The following SLIT3 variants were observed in gnomAD, a reference collection of about 807,000 sequenced individuals.
The protein encoded by SLIT3 is slit guidance ligand 3.
SLIT3 carries 68 observed loss-of-function variants against 184.0 expected under a neutral mutation model. The ratio of observed to expected loss-of-function variants is 0.37; its 90% CI spans 0.30 to 0.45. The LOEUF (loss-of-function observed/expected upper bound fraction) is 0.45. SLIT3 is among the 20% of genes least tolerant of loss of function. The pLI is 1.00. For missense variants in SLIT3, 1,707 were observed against 2,026.0 expected (o/e 0.84, Z 3.02); for synonymous variants, 831 against 828.6 (o/e 1.00, Z -0.05).
At chr5:168,692,754 G>A in intron 28 of SLIT3, 54 bp from the exon 29 acceptor site, 1 of 1,326,194 alleles carries the variant, frequency 7.5e-7, no homozygotes, top group Non-Finnish European at 1.1e-6. Context: ...GGATGCCCTG[G>A]CCAGAAGATC....
At chr5:168,863,626 A>T (rs1226953438) in intron 5 of SLIT3, among the ~76,000 whole-genome samples, 1 of 152,198 alleles carries the variant, frequency 6.6e-6, no homozygotes, top group Non-Finnish European at 1.5e-5. Context: ...GGCATGGCCA[A>T]CTCAGAGTCC....
chr5:169,009,129 G>A (rs2113449636), intron 4 of SLIT3, among the ~76,000 whole-genome samples: 1 of 152,222 alleles, frequency 6.6e-6, no homozygotes, highest in Non-Finnish European at 1.5e-5. Flanking sequence ...TTAATTAGGA[G>A]GAAGCAATTA....
At chr5:168,784,594 TA>T (rs1379180618) in intron 12 of SLIT3, among the ~76,000 whole-genome samples, 2 of 152,152 alleles carry the variant, frequency 1.3e-5, no homozygotes, top group African/African-American at 2.4e-5. Context: ...AGCTGAGTCT[TA>T]AAGGACATGG....
chr5:168,895,070 G>A (rs1360462988), intron 4 of SLIT3, among the ~76,000 whole-genome samples: 1 of 152,184 alleles, frequency 6.6e-6, no homozygotes, highest in African/African-American at 2.4e-5. Context: ...GAGGTGAGGA[G>A]GTAAGAAAAA....
intron 32 of SLIT3, among the ~76,000 whole-genome samples, chr5:168,674,167 C>G (rs17070391): frequency 0.053 from 8,087 of 152,216 alleles, 693 homozygotes; most frequent in African/African-American, 0.18. Context: ...TGGGGAAATA[C>G]TGCCTTATAA....
Position 169,187,606 on chromosome 5 carries a change from G to A in SLIT3, c.413+5873C>T, listed in dbSNP as rs1763400623. 4.8e-5 allele frequency among the ~76,000 whole-genome samples: 7 copies of A among 146,850 alleles called. No homozygotes were observed. In the Admixed American group the frequency reaches 5.0e-4, roughly 10 times the overall value. ...GTCTCGCTCTGCCATCCAAGCTAGA[G>A]TGCCGTGGCACAATCTCGGCTAACT... is the stretch of plus-strand genomic sequence containing the variant. On this transcript the variant is annotated intron_variant, in intron 4 of 35. Coordinates refer to ENST00000519560, the MANE Select transcript of SLIT3 (RefSeq NM_003062.4).
At chr5:169,219,736 C>T (rs1764560719) in intron 3 of SLIT3, among the ~76,000 whole-genome samples, 1 of 152,188 alleles carries the variant, frequency 6.6e-6, no homozygotes, top group Non-Finnish European at 1.5e-5. Flanking sequence ...TATTCCTATC[C>T]TGAGATAGAG....
chr5:168,988,015 G>C (rs915384360), intron 4 of SLIT3, among the ~76,000 whole-genome samples: 2 of 152,184 alleles, frequency 1.3e-5, no homozygotes, highest in Admixed American at 1.3e-4. Context: ...GCTGGCACCT[G>C]TCTCCCCCTT....
At chr5:169,093,967 T>C (rs1427561954) in intron 4 of SLIT3, among the ~76,000 whole-genome samples, 1 of 152,256 alleles carries the variant, frequency 6.6e-6, no homozygotes, top group Non-Finnish European at 1.5e-5. Flanking sequence ...GTTAAGAGTA[T>C]ACTATGTTCC....
At chr5:168,793,801 G>T (rs1027385503) in intron 10 of SLIT3, among the ~76,000 whole-genome samples, 36 of 11,274 alleles carry the variant, frequency 3.2e-3, no homozygotes, top group Admixed American at 0.017. Flanking sequence ...AAAATGAATT[G>T]GGGGGGGGGA....
intron 16 of SLIT3, among the ~76,000 whole-genome samples, chr5:168,755,389 A>ATTTCTTTCTTTCTTTCCTTTCTTTCTTTC (rs1754860723): frequency 1.5e-5 from 2 of 133,640 alleles, no homozygotes; most frequent in Admixed American, 7.9e-5. Context: ...CAGTGCCGCC[A>ATTTCTTTCTTTCTTTCCTTTCTTTCTTTC]TTTCTTTCTT....
intron 4 of SLIT3, chr5:169,018,381 T>C (rs1366445171): frequency 7.4e-5 from 10 of 135,210 alleles, no homozygotes; most frequent in Admixed American, 2.2e-4. Context: ...AATAAAGCCT[T>C]CTTTTTTGCA....
At chr5:168,827,345 CT>C (rs1357962322) in intron 6 of SLIT3, among the ~76,000 whole-genome samples, 139 of 152,338 alleles carry the variant, frequency 9.1e-4, no homozygotes, top group African/African-American at 3.2e-3. Flanking sequence ...GCTGCCTTGC[CT>C]TTTGCAGCTT....
At chr5:168,978,363 G>T (rs1754837417) in intron 4 of SLIT3, among the ~76,000 whole-genome samples, 1 of 152,208 alleles carries the variant, frequency 6.6e-6, no homozygotes, top group African/African-American at 2.4e-5. Flanking sequence ...TGAAACAGAT[G>T]TTGTGAATGT....
intron 4 of SLIT3, among the ~76,000 whole-genome samples, chr5:169,005,645 A>G (rs930205218): frequency 2.6e-5 from 4 of 152,246 alleles, no homozygotes; most frequent in African/African-American, 9.6e-5. Context: ...TCTTTCAGCT[A>G]CATAATCAGG....
chr5:169,211,590 C>A (rs1764267526), intron 3 of SLIT3, among the ~76,000 whole-genome samples: 1 of 152,154 alleles, frequency 6.6e-6, no homozygotes, highest in South Asian at 2.1e-4. Flanking sequence ...GGTGCACCTT[C>A]CTTTGGGCCT....
intron 4 of SLIT3, among the ~76,000 whole-genome samples, chr5:168,930,151 G>A (rs546329258): frequency 2.0e-5 from 3 of 152,146 alleles, no homozygotes; most frequent in Non-Finnish European, 4.4e-5. Context: ...ACAGCACCTC[G>A]GGGAGTGAGG....
At chr5:168,793,506 A>G (rs897635191) in intron 10 of SLIT3, among the ~76,000 whole-genome samples, 5 of 152,188 alleles carry the variant, frequency 3.3e-5, no homozygotes, top group Non-Finnish European at 7.3e-5. Flanking sequence ...GGGGAAAAAA[A>G]GGGCATCATA....
intron 20 of SLIT3, among the ~76,000 whole-genome samples, chr5:168,746,768 TG>T: frequency 1.0e-5 from 1 of 96,204 alleles, no homozygotes; most frequent in African/African-American, 4.2e-5. Flanking sequence ...CGGTGTGTGG[TG>T]GTGTGTGGTG....
Sources: gnomAD v4.1 joint callset for allele counts (sites outside exome capture counted in the v4.1 genomes callset) on GRCh38, gnomAD v4.1.1 for gene constraint, MANE v1.5 for transcripts, NCBI Gene and HGNC (gene_info 2026-07-23, HGNC 2026-07-21) for gene names.